Variants in DAB1 observed in about 807,000 individuals in gnomAD.
DAB1 encodes disabled homolog 1.
A neutral mutation model predicts 64.6 loss-of-function variants in DAB1; 15 were observed. The observed-to-expected ratio is 0.23, with a 90% CI of 0.16 to 0.36. The LOEUF is 0.36. Among genes scored for constraint, DAB1 ranks in the 10% least tolerant of loss-of-function variants. The pLI is 1.00. For missense variants in DAB1, 596 were observed against 706.7 expected, an observed-to-expected ratio of 0.84 and a Z score of 1.78; for synonymous variants, 235 against 251.9, an observed-to-expected ratio of 0.93 and a Z score of 0.64.
At chr1:58,515,434 A>C (rs909758140) in intron 2 of DAB1, among the ~76,000 whole-genome samples, 6 of 152,232 alleles carry the variant, frequency 3.9e-5, no homozygotes, top group Non-Finnish European at 8.8e-5. Context: ...AAGTTTTAAT[A>C]AATTTTCATG....
intron 4 of DAB1, among the ~76,000 whole-genome samples, chr1:58,172,364 C>T (rs183052482): frequency 2.0e-5 from 3 of 152,176 alleles, no homozygotes; most frequent in Non-Finnish European, 2.9e-5. Flanking sequence ...TGGTGGTGGC[C>T]GTCTTAGCAT....
At chr1:58,240,441 A>C (rs1044308289) in intron 4 of DAB1, among the ~76,000 whole-genome samples, 5 of 152,182 alleles carry the variant, frequency 3.3e-5, no homozygotes, top group African/African-American at 9.7e-5. Context: ...ATAAATTTAG[A>C]CCTTACACAA....
At chr1:57,605,983 T>G in intron 7 of DAB1, 1 of 676,812 alleles carries the variant, frequency 1.5e-6, no homozygotes, top group South Asian at 1.4e-5. Flanking sequence ...ACCTCATGTC[T>G]TAGAACCTTC....
At chr1:57,349,019 G>A (rs1678355592) in intron 1 of DAB1, among the ~76,000 whole-genome samples, 1 of 152,002 alleles carries the variant, frequency 6.6e-6, no homozygotes, top group Non-Finnish European at 1.5e-5. Context: ...AACTGGCAAT[G>A]GAACAAAAAA....
At chr1:57,623,572 T>A (rs572793497) in intron 7 of DAB1, among the ~76,000 whole-genome samples, 1 of 152,214 alleles carries the variant, frequency 6.6e-6, no homozygotes, top group Non-Finnish European at 1.5e-5. Flanking sequence ...AGAGTATGAA[T>A]GATATTGTTA....
intron 3 of DAB1, among the ~76,000 whole-genome samples, chr1:58,387,074 AAAACAAAAAAACAAAC>A (rs1241854231): frequency 2.0e-5 from 3 of 152,202 alleles, no homozygotes; most frequent in African/African-American, 7.2e-5. Flanking sequence ...AAACAAAAAC[AAAACAAAAAAACAAAC>A]AAACAAAAAA....
chr1:58,055,279 A>G (rs1479449066), intron 5 of DAB1, among the ~76,000 whole-genome samples: 2 of 152,140 alleles, frequency 1.3e-5, no homozygotes, highest in Admixed American at 6.5e-5. Flanking sequence ...GATTCTTCTC[A>G]GATGCTCCAG....
chr1:57,722,337 T>TA lies in DAB1; in HGVS notation n.552-72673dup, dbSNP rs747222011. ...AGCTGGAAAAGGGCAGTCATAAGAA[T>TA]AAAAAAACACCTCTAAGGAGACAGA... On this transcript the variant is annotated intron_variant and non_coding_transcript_variant, in intron 6 of 20. Coordinates refer to the DAB1 transcript ENST00000485760. Among the ~76,000 whole-genome samples the TA allele has an allele frequency of 2.6e-5, 4 of 152,200 alleles. No homozygotes were observed. The East Asian group carries it at 7.7e-4, about 29-fold the overall frequency.
intron 1 of DAB1, among the ~76,000 whole-genome samples, chr1:57,312,616 A>G (rs1674817853): frequency 6.6e-6 from 1 of 152,120 alleles, no homozygotes; most frequent in South Asian, 2.1e-4. Flanking sequence ...TGCATCCAGG[A>G]TCTGATTTAG....
At chr1:58,194,094 T>A (rs1657537019) in intron 4 of DAB1, among the ~76,000 whole-genome samples, 1 of 152,236 alleles carries the variant, frequency 6.6e-6, no homozygotes, top group African/African-American at 2.4e-5. Context: ...TGTATCTGTA[T>A]TAAATGCCTC....
chr1:58,359,011 G>A (rs1456425481), intron 3 of DAB1, among the ~76,000 whole-genome samples: 1 of 149,060 alleles, frequency 6.7e-6, no homozygotes, highest in East Asian at 2.0e-4. Context: ...TAGGTCTGAA[G>A]AGAGAAAGTG....
At chr1:57,001,582 C>G (rs1458238876) in intron 14 of DAB1, among the ~76,000 whole-genome samples, 1 of 152,140 alleles carries the variant, frequency 6.6e-6, no homozygotes, top group Non-Finnish European at 1.5e-5. Context: ...TGAAACAGCC[C>G]TCCTGGCTCC....
chr1:57,297,565 A>G (rs1183318825), intron 1 of DAB1, among the ~76,000 whole-genome samples: 1 of 152,188 alleles, frequency 6.6e-6, no homozygotes, highest in East Asian at 1.9e-4. Context: ...GAGAAAACAC[A>G]CAAATGATAA....
chr1:57,702,870 A>C (rs3126023), intron 6 of DAB1, among the ~76,000 whole-genome samples: 60,874 of 151,860 alleles, frequency 0.4, 12,907 homozygotes, highest in African/African-American at 0.55. Context: ...GAATAGAGAA[A>C]CCAGAAATGA....
intron 5 of DAB1, among the ~76,000 whole-genome samples, chr1:58,085,648 G>T (rs1650255710): frequency 6.6e-6 from 1 of 151,984 alleles, no homozygotes; most frequent in East Asian, 1.9e-4. Flanking sequence ...GGTTACAGGT[G>T]TGAGCCACTG....
chr1:57,535,755 C>T (rs1644719946), intron 7 of DAB1, among the ~76,000 whole-genome samples: 1 of 152,204 alleles, frequency 6.6e-6, no homozygotes, highest in African/African-American at 2.4e-5. Context: ...CCACTGTGCC[C>T]AGCTTGTTGG....
intron 5 of DAB1, chr1:58,074,560 GTGTGTA>G (rs1649500106): frequency 5.0e-5 from 2 of 40,280 alleles, no homozygotes; most frequent in South Asian, 3.6e-3. Flanking sequence ...ATATATATAT[GTGTGTA>G]TATATATATA....
intron 3 of DAB1, among the ~76,000 whole-genome samples, chr1:58,373,361 C>A (rs1427877006): frequency 7.4e-6 from 1 of 134,456 alleles, no homozygotes. Context: ...TGTGATATTC[C>A]CCTTCCTGTG....
chr1:58,116,862 T>A (rs566746486), intron 5 of DAB1, among the ~76,000 whole-genome samples: 12 of 152,336 alleles, frequency 7.9e-5, no homozygotes, highest in African/African-American at 2.6e-4. Context: ...ATGACATAAC[T>A]CATTTTTTGA....
Sources: allele counts gnomAD v4.1 joint callset (sites outside exome capture counted in the v4.1 genomes callset), GRCh38; gene constraint gnomAD v4.1.1; transcripts MANE v1.5; gene names NCBI Gene and HGNC (gene_info 2026-07-23, HGNC 2026-07-21).